The following TSG101 variants were observed in gnomAD, a reference collection of about 807,000 sequenced individuals.
TSG101 encodes tumor susceptibility 101, also known as tumor susceptibility gene 101 protein.
TSG101 carries 19 observed loss-of-function variants against 48.5 expected under a neutral mutation model. The ratio of observed to expected loss-of-function variants is 0.39; its 90% CI spans 0.27 to 0.58. The LOEUF is 0.58. Ranked by LOEUF, TSG101 falls within the 20% of genes least tolerant of loss-of-function variation. The probability of loss-of-function intolerance (pLI) is 0.55; values close to 1 mark genes in which losing one functional copy is unlikely to be tolerated. For synonymous variants in TSG101, 174 were observed against 169.4 expected (o/e 1.03, Z -0.21); for missense variants, 365 against 484.4 (o/e 0.75, Z 2.31).
chr11:18,490,126 G>A, intron 7 of TSG101: 1 of 188,220 alleles, frequency 5.3e-6, no homozygotes, highest in East Asian at 1.3e-4. Flanking sequence ...TTGCTAGGCT[G>A]AGGCTGTGAA....
intron 6 of TSG101, among the ~76,000 whole-genome samples, chr11:18,504,192 C>T (rs972031421): frequency 6.8e-6 from 1 of 146,844 alleles, no homozygotes; most frequent in Non-Finnish European, 1.5e-5. Context: ...AGAGTGAAGC[C>T]CCCATCTCAA....
chr11:18,519,735 T>C, intron 1 of TSG101, 132 bp from the exon 2 acceptor site: 1 of 612,888 alleles, frequency 1.6e-6, no homozygotes, highest in South Asian at 2.1e-5. Context: ...AAAAAACCCA[T>C]AATACTATTA....
intron 6 of TSG101, among the ~76,000 whole-genome samples, chr11:18,505,091 A>G (rs1026206689): frequency 9.2e-5 from 14 of 152,178 alleles, no homozygotes; most frequent in African/African-American, 3.4e-4. Context: ...GATATTATAT[A>G]TGTACATATA....
chr11:18,500,244 T>C (rs11024688), intron 7 of TSG101, among the ~76,000 whole-genome samples: 17,210 of 152,266 alleles, frequency 0.11, 1,233 homozygotes, highest in South Asian at 0.24. Flanking sequence ...ATATTTAGGT[T>C]CACTCCATAT....
chr11:18,520,070 A>G (rs1426570157), intron 1 of TSG101, among the ~76,000 whole-genome samples: 2 of 152,108 alleles, frequency 1.3e-5, no homozygotes, highest in East Asian at 1.9e-4. Context: ...ATCACCCCCC[A>G]TTCTACTTGT....
chr11:18,483,603 G>A (rs529341622), intron 8 of TSG101, among the ~76,000 whole-genome samples: 9 of 151,888 alleles, frequency 5.9e-5, no homozygotes, highest in Admixed American at 1.3e-4. Context: ...CTCAAGTCTC[G>A]GATATGTCTT....
intron 6 of TSG101, among the ~76,000 whole-genome samples, chr11:18,502,884 A>G (rs1849911316): frequency 6.6e-6 from 1 of 152,182 alleles, no homozygotes; most frequent in Non-Finnish European, 1.5e-5. Context: ...AGCAACAAGT[A>G]ATTTGTGAGA....
intron 2 of TSG101, 111 bp downstream of exon 2, chr11:18,519,408 G>T: frequency 2.5e-6 from 2 of 805,496 alleles, no homozygotes; most frequent in Non-Finnish European, 4.1e-6. Flanking sequence ...AGGCGGTGGT[G>T]CAATCCCACA....
At chr11:18,513,030 A>G (rs537206137) in intron 4 of TSG101, among the ~76,000 whole-genome samples, 1 of 151,866 alleles carries the variant, frequency 6.6e-6, no homozygotes. Context: ...ACCCAGCCTC[A>G]AGGACAGATT....
At chr11:18,505,684 G>A in intron 6 of TSG101, among the ~76,000 whole-genome samples, 1 of 152,148 alleles carries the variant, frequency 6.6e-6, no homozygotes, top group Non-Finnish European at 1.5e-5. Flanking sequence ...AGTTACCTAT[G>A]TTATTACTAA....
rs141775107 is a variant in TSG101 at position 18,520,107 on chromosome 11, G to A, written c.43-504C>T. On this transcript the variant is annotated intron_variant, in intron 1 of 9. Coordinates refer to ENST00000251968, the MANE Select transcript of TSG101 (RefSeq NM_006292.4). ...CCCAGCCTTCATCCTAGACAACCACGAATTTACTTTGTCTCTACAGATTTG... is the reference window on the plus strand; with the variant it reads ...CCCAGCCTTCATCCTAGACAACCACAAATTTACTTTGTCTCTACAGATTTG... Among the ~76,000 whole-genome samples the A allele has an allele frequency of 5.0e-3, 754 of 152,210 alleles. 6 individuals carry two copies. The highest frequency in any genetic ancestry group is 0.017 in the African/African-American group (726 of 41,528).
At chr11:18,494,408 G>A (rs865977855) in intron 7 of TSG101, among the ~76,000 whole-genome samples, 55 of 152,268 alleles carry the variant, frequency 3.6e-4, no homozygotes, top group African/African-American at 1.2e-3. Flanking sequence ...TAGGAATAAC[G>A]ACAGGAAGCC....
chr11:18,526,120 C>A (rs1850367832), intron 1 of TSG101, among the ~76,000 whole-genome samples: 1 of 148,198 alleles, frequency 6.7e-6, no homozygotes, highest in East Asian at 2.1e-4. Flanking sequence ...AAATGCTTAA[C>A]TGCTTTTTTA....
At chr11:18,488,241 GTTTT>G (rs983593399) in intron 7 of TSG101, among the ~76,000 whole-genome samples, 1 of 151,800 alleles carries the variant, frequency 6.6e-6, no homozygotes, top group Non-Finnish European at 1.5e-5. Flanking sequence ...AGGGATTTTT[GTTTT>G]TTTTCTTTTT....
chr11:18,507,184 A>C (rs762037508), intron 5 of TSG101, among the ~76,000 whole-genome samples: 1 of 152,244 alleles, frequency 6.6e-6, no homozygotes, highest in South Asian at 2.1e-4. Context: ...GTTCTCAAGA[A>C]GTCTATTACC....
chr11:18,526,717 C>CAGGGCGCGGA, intron 1 of TSG101, 58 bp downstream of exon 1: 2 of 1,575,614 alleles, frequency 1.3e-6, no homozygotes, highest in Middle Eastern at 1.7e-4. Flanking sequence ...ACGGACTCGA[C>CAGGGCGCGGA]AGGGCGCGGA....
In TSG101 at chr11:18,498,015, A is replaced by C. The variant is rs1482157818; in HGVS notation, c.640+4471T>G. Among the ~76,000 whole-genome samples, 4 of 151,818 alleles carry C rather than the reference A, an allele frequency of 2.6e-5. No individual in the cohort carries two copies. In the South Asian group the frequency reaches 6.2e-4, roughly 24 times the overall value. ...TCTATGTTCATTCAGGAACTCAGCAAATCTCTTCAACAGCAAACTTCTATA... is the reference window on the plus strand; with the variant it reads ...TCTATGTTCATTCAGGAACTCAGCACATCTCTTCAACAGCAAACTTCTATA... On this transcript the variant is annotated intron_variant, in intron 7 of 9. Coordinates refer to ENST00000251968, the MANE Select transcript of TSG101 (RefSeq NM_006292.4).
Position 18,514,646 on chromosome 11 carries a change from T to C in TSG101, c.357+32A>G, listed in dbSNP as rs772503508. 2.7e-6 allele frequency: 4 copies of C among 1,493,594 alleles called. No individual in the cohort carries two copies. In the East Asian group the frequency reaches 1.0e-4, roughly 38 times the overall value. 92.5% of individuals were successfully genotyped at this position (1,493,594 alleles called of 1,614,324 possible). On this transcript the variant is annotated intron_variant, in intron 4 of 9. Coordinates refer to ENST00000251968, the MANE Select transcript of TSG101 (RefSeq NM_006292.4). ...GCTAGTGAGCAAAATATATAAAACA[T>C]AACTAATTCACAGAACACTATGAAT... is the stretch of plus-strand genomic sequence containing the variant.
chr11:18,499,202 T>TATATATAAAATATATATATTTATATATG (rs1849832599), intron 7 of TSG101, among the ~76,000 whole-genome samples: 1 of 139,512 alleles, frequency 7.2e-6, no homozygotes, highest in Non-Finnish European at 1.5e-5. Flanking sequence ...TTTAAATATA[T>TATATATAAAATATATATATTTATATATG]ATATATAAAA....
Sources: allele counts gnomAD v4.1 joint callset (sites outside exome capture counted in the v4.1 genomes callset), GRCh38; gene constraint gnomAD v4.1.1; transcripts MANE v1.5; gene names NCBI Gene and HGNC (gene_info 2026-07-23, HGNC 2026-07-21).